The following PCDHGA7 variants were observed in gnomAD, a reference collection of about 807,000 sequenced individuals.
PCDHGA7 encodes the protein protocadherin gamma-A7.
PCDHGA7 carries 44 observed loss-of-function variants against 58.3 expected under a neutral mutation model. The observed-to-expected ratio is 0.75, with a 90% CI of 0.59 to 0.97. PCDHGA7 has a LOEUF of 0.97. PCDHGA7 is among the 50% of genes least tolerant of loss of function. The pLI is 0.00. For missense variants in PCDHGA7, 1,266 were observed against 1,188.7 expected, an observed-to-expected ratio of 1.06 and a Z score of -0.96; for synonymous variants, 516 against 504.2, an observed-to-expected ratio of 1.02 and a Z score of -0.31.
chr5:141,431,617 C>A lies in PCDHGA7; in HGVS notation c.2424+46294C>A. ...GGTATTCCTTCCGGTATGTGGACGA[C>A]AAGGCGGCCCAAGTTTTCAAACTAG... On this transcript the variant is annotated intron_variant, in intron 1 of 3. Coordinates refer to ENST00000518325, the MANE Select transcript of PCDHGA7 (RefSeq NM_018920.4). This position sits in a 1 kb window ranked among gnomAD's most constrained non-coding sequence, Gnocchi z 4.8. 6.2e-7 allele frequency: 1 copy of A among 1,614,236 alleles called. No homozygotes were observed. Among genetic ancestry groups the A allele is most frequent in the Non-Finnish European group, 8.5e-7 (1 of 1,180,044 alleles).
At chr5:141,392,730 C>T (rs1374381872) in intron 1 of PCDHGA7, 10 of 1,409,212 alleles carry the variant, frequency 7.1e-6, no homozygotes, top group Non-Finnish European at 8.4e-6. Context: ...GGAGGATTGT[C>T]ATCTCCATAG....
Position 141,511,126 on chromosome 5 carries a change from G to A in PCDHGA7, c.2752G>A (p.Gly918Ser). The A allele has an allele frequency of 1.9e-6, 3 of 1,614,212 alleles. No individual in the cohort carries two copies. The highest frequency in any genetic ancestry group is 2.2e-5 in the South Asian group (2 of 91,086). The change falls in exon 4 of 4, where the codon GGT becomes AGT. Residue 918 changes from glycine to serine, a missense_variant. Coordinates refer to ENST00000518325, the MANE Select transcript of PCDHGA7 (RefSeq NM_018920.4). ...AGKRDGKAPA[G>S]GNGNKKKSGK... ...CAAGCGGGATGGCAAGGCCCCAGCA[G>A]GTGGCAATGGCAACAAGAAGAAGTC...
rs779065098 is a variant in PCDHGA7 at position 141,491,758 on chromosome 5, C to T, written c.2425-3049C>T. 1.8e-5 allele frequency: 29 copies of T among 1,578,670 alleles called. No homozygotes were observed. Among genetic ancestry groups the T allele is most frequent in the Non-Finnish European group, 2.2e-5 (26 of 1,163,530 alleles). ...TGGGGGCGGCACTGGAGAAGCCGCC[C>T]GTCCTCATAAGGGATTGAACTTGCA... On this transcript the variant is annotated intron_variant, in intron 1 of 3. Transcript: ENST00000518325. The surrounding 1 kb of genome is among the most constrained non-coding windows in gnomAD (Gnocchi z 6.9).
intron 2 of PCDHGA7, among the ~76,000 whole-genome samples, chr5:141,498,971 G>GGGAAGGAAGGAAGGAAGGAAGGAAGGAA (rs201769957): frequency 9.0e-6 from 1 of 110,972 alleles, no homozygotes; most frequent in Non-Finnish European, 1.8e-5. Flanking sequence ...GAGGGAGGGA[G>GGGAAGGAAGGAAGGAAGGAAGGAAGGAA]GGAAGGAAGG....
At chr5:141,420,699 C>T (rs2096518531) in intron 1 of PCDHGA7, among the ~76,000 whole-genome samples, 1 of 152,236 alleles carries the variant, frequency 6.6e-6, no homozygotes, top group African/African-American at 2.4e-5. Context: ...ATTATTTCCA[C>T]TTCCAGAAAT....
At position 141,383,476 on chromosome 5, in the gene PCDHGA7, G is replaced by A; in HGVS notation, c.577G>A (p.Glu193Lys). ...TGGAGACGATGAAACTAAGTACCCGGAACTGGTGCTGGAGCGGGTGCTGGA... is the reference window on the plus strand; with the variant it reads ...TGGAGACGATGAAACTAAGTACCCGAAACTGGTGCTGGAGCGGGTGCTGGA... ...QSGDDETKYP[E>K]LVLERVLDRE... The change falls in exon 1 of 4, where the codon GAA (glutamate) becomes AAA (lysine). Residue 193 changes from glutamate (E) to lysine (K), a missense_variant. Transcript: ENST00000518325. 6.2e-7 allele frequency: 1 copy of A among 1,613,748 alleles called. No individual in the cohort carries two copies. Among genetic ancestry groups the A allele is most frequent in the Non-Finnish European group, 8.5e-7 (1 of 1,179,794 alleles).
At position 141,438,276 on chromosome 5, in the gene PCDHGA7, ATAATT is replaced by A. The variant is rs533892835; in HGVS notation, c.2424+52958_2424+52962del. ...TGAAGAGACCATAGAATCAAACAAA[ATAATT>A]TAATCTGTATGTAAAAGAAGTTGGT... On this transcript the variant is annotated intron_variant, in intron 1 of 3. Coordinates refer to ENST00000518325, the MANE Select transcript of PCDHGA7 (RefSeq NM_018920.4). 1.4e-3 allele frequency among the ~76,000 whole-genome samples: 213 copies of A among 152,246 alleles called. 1 individual carries two copies. The highest frequency in any genetic ancestry group is 4.8e-3 in the African/African-American group (199 of 41,534).
intron 1 of PCDHGA7, among the ~76,000 whole-genome samples, chr5:141,463,861 A>G (rs1308802167): frequency 1.3e-5 from 2 of 152,340 alleles, no homozygotes; most frequent in East Asian, 1.9e-4. Context: ...ATCTGGTTTC[A>G]CATGACTGAA....
At chr5:141,450,815 A>T (rs183350620) in intron 1 of PCDHGA7, among the ~76,000 whole-genome samples, 1,650 of 126,706 alleles carry the variant, frequency 0.013, 15 homozygotes, top group African/African-American at 0.032. Context: ...TATTTATTTA[A>T]TATTATTATT....
chr5:141,451,976 A>T (rs2098729884), intron 1 of PCDHGA7, among the ~76,000 whole-genome samples: 1 of 152,164 alleles, frequency 6.6e-6, no homozygotes, highest in Non-Finnish European at 1.5e-5. Flanking sequence ...TTTTTGCTGT[A>T]GTTTGTTCAT....
At chr5:141,506,444 CAAA>C (rs1219684339) in intron 3 of PCDHGA7, among the ~76,000 whole-genome samples, 12 of 95,004 alleles carry the variant, frequency 1.3e-4, no homozygotes, top group Admixed American at 3.3e-4. Context: ...CGCTCTGTCT[CAAA>C]AAAAAAAAAA....
Position 141,490,799 on chromosome 5 carries a change from G to A in PCDHGA7, c.2425-4008G>A, listed in dbSNP as rs757092044. On this transcript the variant is annotated intron_variant, in intron 1 of 3. Coordinates refer to ENST00000518325, the MANE Select transcript of PCDHGA7 (RefSeq NM_018920.4). The surrounding 1 kb of genome is among the most constrained non-coding windows in gnomAD (Gnocchi z 5.4). ...GAGGATGGACGGATCTTTGCCCAGC[G>A]TACCTTTGACTATGAATTGCTGCAG... is the stretch of plus-strand genomic sequence containing the variant. 2.7e-5 allele frequency: 43 copies of A among 1,613,888 alleles called. No individual in the cohort carries two copies. Among genetic ancestry groups the A allele is most frequent in the Middle Eastern group, 3.3e-4 (2 of 6,062 alleles).
Position 141,422,925 on chromosome 5 carries a change from T to G in PCDHGA7, c.2424+37602T>G, listed in dbSNP as rs568894245. On this transcript the variant is annotated intron_variant, in intron 1 of 3. Transcript: ENST00000518325. ...ACAATGCGCCCGAGATCCTGTACCC[T>G]GCCCTCCCCACAGACGGCTCCACTG... 1.9e-6 allele frequency: 3 copies of G among 1,614,202 alleles called. No individual in the cohort carries two copies. The Admixed American group carries it at 5.0e-5, about 27-fold the overall frequency.
chr5:141,396,860 T>C (rs1273570477), intron 1 of PCDHGA7, among the ~76,000 whole-genome samples: 1 of 152,230 alleles, frequency 6.6e-6, no homozygotes, highest in African/African-American at 2.4e-5. Flanking sequence ...ATAGTTTGTG[T>C]ACCATTTGGA....
intron 1 of PCDHGA7, among the ~76,000 whole-genome samples, chr5:141,442,926 T>C (rs2098353621): frequency 6.6e-6 from 1 of 152,240 alleles, no homozygotes; most frequent in African/African-American, 2.4e-5. Flanking sequence ...TGTTTCATTT[T>C]CTATTTAAGA....
chr5:141,449,681 G>A (rs2098651836), intron 1 of PCDHGA7, among the ~76,000 whole-genome samples: 1 of 149,394 alleles, frequency 6.7e-6, no homozygotes, highest in Non-Finnish European at 1.5e-5. Context: ...ATGTATATAT[G>A]TTTGTGTGTA....
chr5:141,405,273 A>G (rs762280864), intron 1 of PCDHGA7: 5 of 1,613,974 alleles, frequency 3.1e-6, no homozygotes, highest in African/African-American at 2.7e-5. Context: ...CCCCAGCCCA[A>G]CTATGCAGAC....
In PCDHGA7 at chr5:141,477,913, T is replaced by G; in HGVS notation, c.2425-16894T>G. ...CACGGGTGGTAGGCTGGGACGCGGA[T>G]GCAGGGCACAATGCCTGGCTCTCCT... On this transcript the variant is annotated intron_variant, in intron 1 of 3. Transcript: ENST00000518325. This position sits in a 1 kb window ranked among gnomAD's most constrained non-coding sequence, Gnocchi z 4.9. 6.2e-7 allele frequency: 1 copy of G among 1,614,190 alleles called. No individual in the cohort carries two copies. Among genetic ancestry groups the G allele is most frequent in the Non-Finnish European group, 8.5e-7 (1 of 1,180,024 alleles).
At chr5:141,471,901 G>C (rs1224804131) in intron 1 of PCDHGA7, among the ~76,000 whole-genome samples, 1 of 152,146 alleles carries the variant, frequency 6.6e-6, no homozygotes, top group Non-Finnish European at 1.5e-5. Context: ...ATTGACTACA[G>C]ACAAGCATGA....
Sources: gnomAD v4.1 joint callset for allele counts (sites outside exome capture counted in the v4.1 genomes callset) on GRCh38, gnomAD v4.1.1 for gene constraint, Gnocchi (gnomAD v3.1) non-coding constraint, MANE v1.5 for transcripts, NCBI Gene and HGNC (gene_info 2026-07-23, HGNC 2026-07-21) for gene names.